Variants in SERPINI2 observed in about 807,000 individuals in gnomAD.
SERPINI2 encodes the protein serpin I2.
SERPINI2 carries 48 observed loss-of-function variants against 47.3 expected under a neutral mutation model. The ratio of observed to expected loss-of-function variants is 1.02; its 90% CI spans 0.81 to 1.29. SERPINI2 has a LOEUF of 1.29. Ranked by LOEUF, SERPINI2 falls within the 50% of genes most tolerant of loss-of-function variation. The pLI is 0.00. For synonymous variants in SERPINI2, 135 were observed against 149.3 expected (o/e 0.90, Z 0.70); for missense variants, 448 against 456.9 (o/e 0.98, Z 0.18).
intron 3 of SERPINI2, among the ~76,000 whole-genome samples, chr3:167,466,528 T>C (rs1750137480): frequency 6.6e-6 from 1 of 152,236 alleles, no homozygotes; most frequent in Non-Finnish European, 1.5e-5. Flanking sequence ...CTCAGATTTA[T>C]ATGAATTTGA....
At position 167,467,319 on chromosome 3, in the gene SERPINI2, GAAC is replaced by G. The variant is rs780923973; in HGVS notation, c.248-37_248-35del. ...TAATTTTAATGTATATTGGCATATT[GAAC>G]AACATAAAAACAACAGCTTTTCAGC... On this transcript the variant is annotated intron_variant, in intron 2 of 8. Transcript: ENST00000264677. 8 of 1,462,332 alleles carry G rather than the reference GAAC, an allele frequency of 5.5e-6. No homozygotes were observed. The Middle Eastern group carries it at 5.5e-4, about 101-fold the overall frequency. 90.6% of individuals were successfully genotyped at this position (1,462,332 alleles called of 1,614,324 possible). A position where few individuals can be genotyped will look rare whatever the true frequency, so the allele number is the denominator to read the frequency against.
intron 2 of SERPINI2, among the ~76,000 whole-genome samples, chr3:167,470,643 C>G (rs1168153913): frequency 6.9e-6 from 1 of 145,886 alleles, no homozygotes; most frequent in Non-Finnish European, 1.5e-5. Context: ...CTCACTGCAA[C>G]CTCTGCCTCT....
intron 2 of SERPINI2, among the ~76,000 whole-genome samples, chr3:167,471,007 A>C (rs1560237365): frequency 6.6e-6 from 1 of 152,148 alleles, no homozygotes; most frequent in African/African-American, 2.4e-5. Context: ...TTTTAAAACT[A>C]GTAACAAATA....
chr3:167,462,451 C>T (rs896088046), intron 5 of SERPINI2, among the ~76,000 whole-genome samples: 2 of 152,132 alleles, frequency 1.3e-5, no homozygotes, highest in Non-Finnish European at 2.9e-5. Context: ...ATTTTTTTCC[C>T]TGTGTCTCTT....
chr3:167,475,174 T>C (rs1750450358), upstream of SERPINI2, among the ~76,000 whole-genome samples: 2 of 151,820 alleles, frequency 1.3e-5, no homozygotes. Flanking sequence ...TATTACCTAC[T>C]CTATCATAAG....
At chr3:167,451,548 T>C (rs1410497425) in intron 6 of SERPINI2, among the ~76,000 whole-genome samples, 3 of 152,222 alleles carry the variant, frequency 2.0e-5, no homozygotes, top group African/African-American at 7.2e-5. Context: ...GGAACCAAAA[T>C]GGTTAAAACA....
In SERPINI2 at chr3:167,470,550, C is replaced by CTTTTTTTTT. The variant is rs536884425; in HGVS notation, c.247+1029_247+1037dup. 8.6e-4 allele frequency among the ~76,000 whole-genome samples: 80 copies of CTTTTTTTTT among 93,032 alleles called. 6 individuals are homozygous for CTTTTTTTTT. The highest frequency in any genetic ancestry group is 4.5e-3 in the East Asian group (15 of 3,304). 61.0% of individuals were successfully genotyped at this position (93,032 alleles called of 152,430 possible). ...AGATAGCTGAGGAGATGAGCAACAA[C>CTTTTTTTTT]TTTTTTTTTTTTTTTTTTTTTTTTT... On this transcript the variant is annotated intron_variant, in intron 2 of 8. Coordinates refer to ENST00000264677, the Ensembl canonical transcript of SERPINI2.
At chr3:167,463,137 T>A (rs1487790919) in intron 5 of SERPINI2, among the ~76,000 whole-genome samples, 3 of 143,648 alleles carry the variant, frequency 2.1e-5, no homozygotes, top group Non-Finnish European at 3.1e-5. Flanking sequence ...AACTCAGTAA[T>A]TTTTTTTTTT....
At chr3:167,469,538 C>T (rs1476670588) in intron 2 of SERPINI2, 1 of 152,128 alleles carries the variant, frequency 6.6e-6, no homozygotes, top group East Asian at 1.9e-4. Context: ...CATTTAGTTG[C>T]AGAACTGGGA....
chr3:167,474,091 A>G, exon 1 of SERPINI2: 2 of 1,015,640 alleles, frequency 2.0e-6, no homozygotes, highest in African/African-American at 3.4e-5. Context: ...TGAGCGATCA[A>G]GGCCAACTCC....
At chr3:167,473,779 A>G in intron 1 of SERPINI2, 5 of 1,467,948 alleles carry the variant, frequency 3.4e-6, no homozygotes, top group Non-Finnish European at 4.5e-6. Context: ...AGCACAAAGT[A>G]ATGCTGAACT....
At chr3:167,458,881 G>T (rs1749893869) in intron 5 of SERPINI2, among the ~76,000 whole-genome samples, 1 of 152,048 alleles carries the variant, frequency 6.6e-6, no homozygotes, top group African/African-American at 2.4e-5. Flanking sequence ...CACAACATTT[G>T]CTATTAAAAT....
At chr3:167,450,834 A>G (rs1055049136) in intron 6 of SERPINI2, among the ~76,000 whole-genome samples, 9 of 152,164 alleles carry the variant, frequency 5.9e-5, no homozygotes, top group African/African-American at 1.9e-4. Flanking sequence ...ACCAGCCCAA[A>G]TGACTCCCTG....
chr3:167,459,221 C>G (rs1001858356), intron 5 of SERPINI2, among the ~76,000 whole-genome samples: 1 of 151,612 alleles, frequency 6.6e-6, no homozygotes, highest in African/African-American at 2.4e-5. Flanking sequence ...ACTACAGGCG[C>G]CCGCCACTAT....
intron 6 of SERPINI2, among the ~76,000 whole-genome samples, chr3:167,450,729 A>AT (rs1560230813): frequency 6.6e-6 from 1 of 152,126 alleles, no homozygotes; most frequent in Non-Finnish European, 1.5e-5. Context: ...AAGACAAATA[A>AT]ACACAGAGGG....
At chr3:167,473,027 C>T (rs1376432985) in intron 1 of SERPINI2, among the ~76,000 whole-genome samples, 1 of 151,558 alleles carries the variant, frequency 6.6e-6, no homozygotes, top group African/African-American at 2.4e-5. Flanking sequence ...TTTTGCAGAT[C>T]ATTAAGGGTA....
chr3:167,462,344 A>G (rs988510855), intron 5 of SERPINI2, among the ~76,000 whole-genome samples: 1 of 152,198 alleles, frequency 6.6e-6, no homozygotes, highest in African/African-American at 2.4e-5. Context: ...TGCAGAGGCT[A>G]GAGGTCTTAA....
chr3:167,473,403 T>C (rs1750393423), intron 1 of SERPINI2, among the ~76,000 whole-genome samples: 1 of 151,650 alleles, frequency 6.6e-6, no homozygotes, highest in Non-Finnish European at 1.5e-5. Context: ...TATCTTCTAA[T>C]ATATTCAATT....
rs1213218218 is a variant in SERPINI2 at position 167,453,051 on chromosome 3, A to G, written c.867-18T>C. 1.4e-6 allele frequency: 2 copies of G among 1,412,782 alleles called. No homozygotes were observed. Among genetic ancestry groups the G allele is most frequent in the Non-Finnish European group, 9.7e-7 (1 of 1,028,638 alleles). 87.5% of individuals were successfully genotyped at this position (1,412,782 alleles called of 1,614,324 possible). A position where few individuals can be genotyped will look rare whatever the true frequency, so the allele number is the denominator to read the frequency against. ...CTTTAAATCTGTTATTAAAAAAAAA[A>G]GAAAAAGAAAAGTCTTGAAACACTG... On this transcript the variant is annotated intron_variant, in intron 5 of 8. Transcript: ENST00000264677.
Sources: allele counts gnomAD v4.1 joint callset (sites outside exome capture counted in the v4.1 genomes callset), GRCh38; gene constraint gnomAD v4.1.1; transcripts MANE v1.5; gene names NCBI Gene and HGNC (gene_info 2026-07-23, HGNC 2026-07-21).